Variants in YIPF7 observed in about 807,000 individuals in gnomAD.
The protein encoded by YIPF7 is Yip1 domain family member 7.
In YIPF7, 35 loss-of-function variants were observed where a neutral mutation model predicts 27.2. The observed-to-expected ratio is 1.29, with a 90% CI of 0.98 to 1.70. The LOEUF (loss-of-function observed/expected upper bound fraction) is 1.70, where lower values mean the gene tolerates loss of function less well. YIPF7 is among the 40% of genes most tolerant of loss of function. The probability of loss-of-function intolerance (pLI) is 0.00; values close to 1 mark genes in which losing one functional copy is unlikely to be tolerated. For synonymous variants in YIPF7, 137 were observed against 110.4 expected (o/e 1.24, Z -1.51); for missense variants, 358 against 303.7 (o/e 1.18, Z -1.33).
At chr4:44,636,983 T>A (rs1360096518) in intron 2 of YIPF7, among the ~76,000 whole-genome samples, 2 of 152,220 alleles carry the variant, frequency 1.3e-5, no homozygotes, top group Non-Finnish European at 2.9e-5. Flanking sequence ...AGCACGTTTA[T>A]GAGTAAAAAC....
rs1713378839 is a variant in YIPF7, at chr4:44,642,825, C to CT, written c.117-6741dup. Among the ~76,000 whole-genome samples the CT allele has an allele frequency of 2.0e-5, 3 of 152,182 alleles. No homozygotes were observed. The South Asian group carries it at 6.2e-4, about 32-fold the overall frequency. On this transcript the variant is annotated intron_variant, in intron 2 of 5. Coordinates refer to ENST00000415895, the MANE Select transcript of YIPF7 (RefSeq NM_182592.3). ...ACCATGAGTAAAAGCTCCCTGTGAC[C>CT]TCCCCAGGAGCAGCTGTCGCCATGC...
intron 4 of YIPF7, among the ~76,000 whole-genome samples, chr4:44,625,582 G>T (rs1577731933): frequency 6.6e-6 from 1 of 152,142 alleles, no homozygotes; most frequent in Admixed American, 6.5e-5. Context: ...AAACTAACTG[G>T]TAATGAATTA....
upstream of YIPF7, among the ~76,000 whole-genome samples, chr4:44,653,482 A>G (rs1312473180): frequency 6.6e-6 from 1 of 152,140 alleles, no homozygotes; most frequent in Non-Finnish European, 1.5e-5. Flanking sequence ...AAGATGAATT[A>G]CAGGGGTCAA....
At chr4:44,639,045 C>A (rs2109589169) in intron 2 of YIPF7, among the ~76,000 whole-genome samples, 1 of 152,230 alleles carries the variant, frequency 6.6e-6, no homozygotes, top group Admixed American at 6.5e-5. Context: ...TTCCATTGAT[C>A]TATATGTCTA....
intron 3 of YIPF7, among the ~76,000 whole-genome samples, chr4:44,629,871 A>C (rs1712823616): frequency 6.6e-6 from 1 of 152,246 alleles, no homozygotes; most frequent in South Asian, 2.1e-4. Context: ...CTAATTGAAA[A>C]TTGGGAAGTT....
At chr4:44,655,663 A>G (rs1305518256), upstream of YIPF7, among the ~76,000 whole-genome samples, 1 of 152,046 alleles carries the variant, frequency 6.6e-6, no homozygotes, top group African/African-American at 2.4e-5. Context: ...ATTGCAATTT[A>G]ATGCACATCT....
At chr4:44,654,866 T>G (rs1342272449), upstream of YIPF7, among the ~76,000 whole-genome samples, 1 of 152,010 alleles carries the variant, frequency 6.6e-6, no homozygotes, top group Non-Finnish European at 1.5e-5. Context: ...TAATTCTCTT[T>G]GTAATTATTT....
At chr4:44,652,245 C>T (rs538981263), upstream of YIPF7, among the ~76,000 whole-genome samples, 6 of 152,254 alleles carry the variant, frequency 3.9e-5, no homozygotes, top group Middle Eastern at 3.4e-3. Context: ...AGGAAGCTCC[C>T]TGAATTGGCC....
chr4:44,645,927 G>A (rs1713510839), intron 2 of YIPF7, among the ~76,000 whole-genome samples: 1 of 152,102 alleles, frequency 6.6e-6, no homozygotes, highest in Admixed American at 6.5e-5. Flanking sequence ...AAGGCAGCAA[G>A]GAGGTACACC....
intron 2 of YIPF7, among the ~76,000 whole-genome samples, chr4:44,643,780 A>G (rs116729760): frequency 0.014 from 2,062 of 152,276 alleles, 23 homozygotes; most frequent in Middle Eastern, 0.031. Context: ...GATGCAAGCT[A>G]TAAGTCTTGG....
chr4:44,659,494 A>C (rs528629209), intron 2 of YIPF7, among the ~76,000 whole-genome samples: 1 of 152,336 alleles, frequency 6.6e-6, no homozygotes, highest in African/African-American at 2.4e-5. Context: ...AAATTGAAAA[A>C]GAAAAAGAAG....
chr4:44,625,197 C>T (rs960709651), intron 4 of YIPF7, among the ~76,000 whole-genome samples: 21 of 152,064 alleles, frequency 1.4e-4, no homozygotes, highest in African/African-American at 4.8e-4. Context: ...TAGCAAACAC[C>T]TACAGGGTTT....
intron 5 of YIPF7, among the ~76,000 whole-genome samples, chr4:44,623,587 T>C (rs1577730737): frequency 2.6e-5 from 4 of 152,200 alleles, no homozygotes; most frequent in African/African-American, 7.2e-5. Context: ...CTCCACAGTA[T>C]AGCTTCTAAT....
At position 44,624,660 on chromosome 4, in the gene YIPF7, C is replaced by A. The variant is rs1191849203; in HGVS notation, c.549G>T (p.Leu183=). 6.2e-7 allele frequency: 1 copy of A among 1,604,734 alleles called. No homozygotes were observed. Among genetic ancestry groups the A allele is most frequent in the African/African-American group, 1.3e-5 (1 of 74,846 alleles). ...TGACCATGGGGAGCAGGCAGTAACC[C>A]AGCACGCTGGCCACACAGCCGTACG... The part of the protein sequence containing the change: ...GVSYGCVASV[L]GYCLLPMVIL... The change falls in exon 5 of 6, where the codon CTG becomes CTT. Residue 183 remains leucine (L), a synonymous_variant. Coordinates refer to ENST00000415895, the MANE Select transcript of YIPF7 (RefSeq NM_182592.3).
Position 44,636,101 on chromosome 4 carries a change from TACAA to T in YIPF7, c.117-20_117-17del, listed in dbSNP as rs1560325922. On this transcript the variant is annotated splice_polypyrimidine_tract_variant and intron_variant, in intron 2 of 5. Coordinates refer to ENST00000415895, the MANE Select transcript of YIPF7 (RefSeq NM_182592.3). ...AGCTTGTTGTCTAGAAAAAGAAAAA[TACAA>T]ACATTTACATGTCTAAGAAAAAGGT... 4 of 1,589,644 alleles carry T rather than the reference TACAA, an allele frequency of 2.5e-6. No individual in the cohort carries two copies. The highest frequency in any genetic ancestry group is 1.7e-6 in the Non-Finnish European group (2 of 1,167,398).
At chr4:44,658,126 A>T (rs1351131473) in intron 2 of YIPF7, among the ~76,000 whole-genome samples, 1 of 152,126 alleles carries the variant, frequency 6.6e-6, no homozygotes, top group Non-Finnish European at 1.5e-5. Context: ...CTGTCCCCCT[A>T]CCAAATCCAT....
intron 4 of YIPF7, among the ~76,000 whole-genome samples, chr4:44,626,417 C>CT (rs773237172): frequency 4.1e-4 from 62 of 152,144 alleles, no homozygotes; most frequent in Non-Finnish European, 8.4e-4. Context: ...AGGGCTAGTC[C>CT]TAATGGTATA....
intron 3 of YIPF7, among the ~76,000 whole-genome samples, chr4:44,630,449 G>A (rs954253596): frequency 2.0e-5 from 3 of 152,198 alleles, no homozygotes; most frequent in East Asian, 1.9e-4. Flanking sequence ...ACACAGAGGG[G>A]AAAAGGGCTC....
intron 2 of YIPF7, among the ~76,000 whole-genome samples, chr4:44,643,954 GAATGAA>G (rs2109594213): frequency 6.6e-6 from 1 of 152,200 alleles, no homozygotes; most frequent in South Asian, 2.1e-4. Flanking sequence ...GGGAAGTGTG[GAATGAA>G]AAAGAGGGGT....
Sources: gnomAD v4.1 joint callset for allele counts (sites outside exome capture counted in the v4.1 genomes callset) on GRCh38, gnomAD v4.1.1 for gene constraint, MANE v1.5 for transcripts, NCBI Gene and HGNC (gene_info 2026-07-23, HGNC 2026-07-21) for gene names.